The following HECW2 variants were observed in gnomAD, a reference collection of about 807,000 sequenced individuals.
HECW2 encodes the protein E3 ubiquitin-protein ligase HECW2.
In HECW2, 61 loss-of-function variants were observed where a neutral mutation model predicts 175.2. The ratio of observed to expected loss-of-function variants is 0.35; its 90% confidence interval spans 0.28 to 0.43. The LOEUF is 0.43. Among genes scored for constraint, HECW2 ranks in the 20% least tolerant of loss-of-function variants. The pLI is 1.00. For missense variants in HECW2, 1,524 were observed against 2,000.5 expected, an observed-to-expected ratio of 0.76 and a Z score of 4.54; for synonymous variants, 671 against 731.0, an observed-to-expected ratio of 0.92 and a Z score of 1.32.
At chr2:196,557,736 C>A (rs188782586) in intron 1 of HECW2, among the ~76,000 whole-genome samples, 2 of 152,232 alleles carry the variant, frequency 1.3e-5, no homozygotes, top group East Asian at 1.9e-4. Flanking sequence ...GTGAAAAATG[C>A]AAGTTTAAAA....
intron 1 of HECW2, among the ~76,000 whole-genome samples, chr2:196,584,856 C>T (rs939209033): frequency 6.6e-6 from 1 of 152,178 alleles, no homozygotes; most frequent in African/African-American, 2.4e-5. Context: ...CGACAAAGCA[C>T]TTAATGTACT....
At chr2:196,483,094 T>TAAAAAA (rs370614949) in intron 1 of HECW2, among the ~76,000 whole-genome samples, 4 of 110,430 alleles carry the variant, frequency 3.6e-5, no homozygotes, top group African/African-American at 6.4e-5. Flanking sequence ...TTCATAGTTG[T>TAAAAAA]AAAAAAAAAA....
At chr2:196,264,495 T>C (rs896621363) in intron 17 of HECW2, among the ~76,000 whole-genome samples, 17 of 152,192 alleles carry the variant, frequency 1.1e-4, no homozygotes, top group Admixed American at 1.0e-3. Context: ...CACAATACTT[T>C]GGAGAAATAT....
chr2:196,456,800 A>G (rs1293010931), intron 1 of HECW2, among the ~76,000 whole-genome samples: 1 of 152,216 alleles, frequency 6.6e-6, no homozygotes, highest in Non-Finnish European at 1.5e-5. Context: ...TTGATCAAGC[A>G]AAACATACCA....
intron 21 of HECW2, among the ~76,000 whole-genome samples, chr2:196,229,416 T>G (rs143841510): frequency 6.6e-6 from 1 of 152,076 alleles, no homozygotes; most frequent in Non-Finnish European, 1.5e-5. Flanking sequence ...TCCCAGCACT[T>G]TGGGAAGCCA....
intron 2 of HECW2, chr2:196,361,751 A>C (rs1366845761): frequency 1.0e-6 from 1 of 969,286 alleles, no homozygotes; most frequent in Non-Finnish European, 1.2e-6. Context: ...AATCCCAAAC[A>C]GCTGGACAAG....
chr2:196,243,604 G>T (rs1174313416), intron 19 of HECW2, among the ~76,000 whole-genome samples: 1 of 151,584 alleles, frequency 6.6e-6, no homozygotes, highest in African/African-American at 2.4e-5. Flanking sequence ...TTTTGACACG[G>T]AGTTTTGCTC....
At chr2:196,334,892 C>T (rs981171844) in intron 3 of HECW2, among the ~76,000 whole-genome samples, 2 of 152,096 alleles carry the variant, frequency 1.3e-5, no homozygotes, top group African/African-American at 4.8e-5. Context: ...AATTCCTTTC[C>T]CCATATTACA....
At chr2:196,558,323 G>C (rs1185753689) in intron 1 of HECW2, among the ~76,000 whole-genome samples, 2 of 152,146 alleles carry the variant, frequency 1.3e-5, no homozygotes. Flanking sequence ...ATATTCACAG[G>C]TAGAACACTA....
Position 196,354,624 on chromosome 2 carries a change from C to A in HECW2, c.293-10860G>T, listed in dbSNP as rs535631156. ...ATATACAAAAAAGAAATAACATTTT[C>A]ACCATGGAACACACAAAGCCTTTTT... On this transcript the variant is annotated intron_variant, in intron 2 of 28. Coordinates refer to ENST00000644978, the MANE Select transcript of HECW2 (RefSeq NM_001348768.2). 3.9e-5 allele frequency among the ~76,000 whole-genome samples: 6 copies of A among 152,342 alleles called. No homozygotes were observed. In the East Asian group the frequency reaches 1.2e-3, roughly 29 times the overall value.
intron 1 of HECW2, among the ~76,000 whole-genome samples, chr2:196,557,417 G>A (rs1446534152): frequency 6.6e-6 from 1 of 151,740 alleles, no homozygotes; most frequent in Admixed American, 6.6e-5. Flanking sequence ...AAAGTATCAT[G>A]TCCCAGTGTC....
chr2:196,293,306 T>C (rs1690675937), intron 13 of HECW2, among the ~76,000 whole-genome samples: 1 of 152,236 alleles, frequency 6.6e-6, no homozygotes, highest in Non-Finnish European at 1.5e-5. Context: ...TCCAGTTCCA[T>C]CCACGTTCCT....
intron 14 of HECW2, 37 bp from the exon 15 acceptor site, chr2:196,278,699 C>T (rs1453439432): frequency 1.2e-6 from 2 of 1,611,670 alleles, no homozygotes; most frequent in African/African-American, 2.7e-5. Context: ...ACATGCCGCT[C>T]ACATGTCTTA....
chr2:196,348,763 G>A (rs185973267), intron 2 of HECW2, among the ~76,000 whole-genome samples: 1 of 152,312 alleles, frequency 6.6e-6, no homozygotes, highest in Admixed American at 6.5e-5. Context: ...ACTGAGTAAA[G>A]GTTCCGACAA....
chr2:196,467,091 G>C (rs1696984687), intron 1 of HECW2, among the ~76,000 whole-genome samples: 1 of 152,162 alleles, frequency 6.6e-6, no homozygotes, highest in Admixed American at 6.5e-5. Flanking sequence ...AACTCCTAAA[G>C]CTGTTGTTAG....
At chr2:196,292,538 C>T (rs376788875) in intron 14 of HECW2, 27 bp downstream of exon 14, 46 of 1,593,366 alleles carry the variant, frequency 2.9e-5, no homozygotes, top group Non-Finnish European at 3.9e-5. Context: ...GCATTTGGCA[C>T]TCCCTGAGGC....
At chr2:196,273,902 C>T in intron 16 of HECW2, 119 bp downstream of exon 16, 1 of 655,874 alleles carries the variant, frequency 1.5e-6, no homozygotes, top group Non-Finnish European at 2.6e-6. Flanking sequence ...GATAATGCAG[C>T]AATTTCTCAA....
rs2105743576 is a variant in HECW2, at chr2:196,198,004, A to G, written c.*3273T>C. On this transcript the variant is annotated 3_prime_UTR_variant, in exon 29 of 29. Coordinates refer to ENST00000644978, the MANE Select transcript of HECW2 (RefSeq NM_001348768.2). ...AATTATAAACGCAATATATGCTAGAAAATTGTGACCATACTTCTTTGACCA... is the reference window on the plus strand; with the variant it reads ...AATTATAAACGCAATATATGCTAGAGAATTGTGACCATACTTCTTTGACCA... 6.6e-6 allele frequency: 1 copy of G among 152,350 alleles called. No individual in the cohort carries two copies. The highest frequency in any genetic ancestry group is 1.9e-4 in the East Asian group (1 of 5,190). 9.4% of individuals were successfully genotyped at this position (152,350 alleles called of 1,614,324 possible).
chr2:196,219,031 T>A (rs1687574904), intron 26 of HECW2, among the ~76,000 whole-genome samples: 1 of 152,144 alleles, frequency 6.6e-6, no homozygotes, highest in Non-Finnish European at 1.5e-5. Context: ...GTTAAGGCAT[T>A]TTTTTACTAC....
Sources: gnomAD v4.1 joint callset for allele counts (sites outside exome capture counted in the v4.1 genomes callset) on GRCh38, gnomAD v4.1.1 for gene constraint, MANE v1.5 for transcripts, NCBI Gene and HGNC (gene_info 2026-07-23, HGNC 2026-07-21) for gene names.